RNF144B: variants seen among roughly 807,000 people sequenced by gnomAD.
RNF144B encodes ring finger protein 144B, also known as E3 ubiquitin-protein ligase RNF144B.
Under a neutral mutation model 40.2 loss-of-function variants are expected in RNF144B, and 25 were observed. That is an observed-to-expected ratio of 0.62 (90% CI 0.45 to 0.87). The LOEUF (loss-of-function observed/expected upper bound fraction) is 0.87, where lower values mean the gene tolerates loss of function less well. Ranked by LOEUF, RNF144B falls within the 40% of genes least tolerant of loss-of-function variation. The pLI is 0.00. For synonymous variants in RNF144B, 145 were observed against 136.3 expected (o/e 1.06, Z -0.44); for missense variants, 365 against 373.7 (o/e 0.98, Z 0.19).
rs767632041 is a variant in RNF144B, at chr6:18,416,355, A to C, written c.166-11226A>C. Reference sequence around the variant, plus strand: ...GTGCCAGTTCACTGCTCTGATTGGAATGTTCTTCCATTTTAGCAAATTTGT... The same window carrying C: ...GTGCCAGTTCACTGCTCTGATTGGACTGTTCTTCCATTTTAGCAAATTTGT... On this transcript the variant is annotated intron_variant, in intron 2 of 7. Coordinates refer to ENST00000259939, the MANE Select transcript of RNF144B (RefSeq NM_182757.4). This position sits in a 1 kb window ranked among gnomAD's most constrained non-coding sequence, Gnocchi z 5.5. Among the ~76,000 whole-genome samples, 5 of 152,202 alleles carry C rather than the reference A, an allele frequency of 3.3e-5. No individual in the cohort carries two copies. The highest frequency in any genetic ancestry group is 7.3e-5 in the Non-Finnish European group (5 of 68,040).
chr6:18,390,506 C>T (rs1004465829), intron 1 of RNF144B, among the ~76,000 whole-genome samples: 3 of 152,170 alleles, frequency 2.0e-5, no homozygotes, highest in Non-Finnish European at 4.4e-5. Context: ...GAATTCAAAA[C>T]ACAGCAATCT....
chr6:18,387,443 C>T lies in RNF144B; in HGVS notation c.-224C>T. On this transcript the variant is annotated 5_prime_UTR_variant, in exon 1 of 8. Coordinates refer to ENST00000259939, the MANE Select transcript of RNF144B (RefSeq NM_182757.4). ...GTCGGGGACTCCGCCTCCTCCCGAC[C>T]CGTAGGTCTGGGAGCGCAAGTCCTG... The T allele has an allele frequency of 8.2e-7, 1 of 1,218,732 alleles. No individual in the cohort carries two copies. The highest frequency in any genetic ancestry group is 1.1e-6 in the Non-Finnish European group (1 of 949,310). 75.5% of individuals were successfully genotyped at this position (1,218,732 alleles called of 1,614,324 possible).
Position 18,418,376 on chromosome 6 carries a change from A to G in RNF144B, c.166-9205A>G, listed in dbSNP as rs185589959. On this transcript the variant is annotated intron_variant, in intron 2 of 7. Transcript: ENST00000259939. This position sits in a 1 kb window ranked among gnomAD's most constrained non-coding sequence, Gnocchi z 5.2. ...AAATGTGGTATATTCACACAATGGC[A>G]TACTATTCAGCAATAAAATAAATGA... 2.5e-4 allele frequency among the ~76,000 whole-genome samples: 38 copies of G among 152,362 alleles called. No individual in the cohort carries two copies. The East Asian group carries it at 7.3e-3, about 29-fold the overall frequency.
rs989207258 is a variant in RNF144B at position 18,398,952 on chromosome 6, G to A, written c.-36-547G>A. Among the ~76,000 whole-genome samples the A allele has an allele frequency of 3.9e-5, 6 of 151,968 alleles. No homozygotes were observed. The highest frequency in any genetic ancestry group is 7.3e-5 in the African/African-American group (3 of 41,346). On this transcript the variant is annotated intron_variant, in intron 1 of 7. Coordinates refer to ENST00000259939, the MANE Select transcript of RNF144B (RefSeq NM_182757.4). This position sits in a 1 kb window ranked among gnomAD's most constrained non-coding sequence, Gnocchi z 5.0. Reference sequence around the variant, plus strand: ...ATGTTTGCTCATAGTGATATTTCCCGCCCCTGACCTTCATTAAGGTATAAT... The same window carrying A: ...ATGTTTGCTCATAGTGATATTTCCCACCCCTGACCTTCATTAAGGTATAAT...
rs72832499 is a variant in RNF144B at position 18,459,944 on chromosome 6, C to G, written c.681+193C>G. Among the ~76,000 whole-genome samples the G allele has an allele frequency of 6.6e-6, 1 of 152,170 alleles. No individual in the cohort carries two copies. The highest frequency in any genetic ancestry group is 2.4e-5 in the African/African-American group (1 of 41,442). Reference sequence around the variant, plus strand: ...CATCTTTTTGATGACCTTACATATGCCACCCTGGTGTTAAAGGCAAGCTTT... The same window carrying G: ...CATCTTTTTGATGACCTTACATATGGCACCCTGGTGTTAAAGGCAAGCTTT... On this transcript the variant is annotated intron_variant, in intron 6 of 7. Coordinates refer to ENST00000259939, the MANE Select transcript of RNF144B (RefSeq NM_182757.4). This position sits in a 1 kb window ranked among gnomAD's most constrained non-coding sequence, Gnocchi z 4.2.
chr6:18,452,182 C>T (rs1473626170), intron 4 of RNF144B, among the ~76,000 whole-genome samples: 1 of 152,172 alleles, frequency 6.6e-6, no homozygotes, highest in African/African-American at 2.4e-5. Flanking sequence ...TTTTGAAAAA[C>T]CCAGAAATTA....
Position 18,439,404 on chromosome 6 carries a change from G to C in RNF144B, c.271-280G>C, listed in dbSNP as rs553485973. ...TTAGAAGTCCCTGTAATAAAATTTTGTTGTCTGGTCTTGGTAGCCACTGAC... is the reference window on the plus strand; with the variant it reads ...TTAGAAGTCCCTGTAATAAAATTTTCTTGTCTGGTCTTGGTAGCCACTGAC... On this transcript the variant is annotated intron_variant, in intron 3 of 7. Transcript: ENST00000259939. Among the ~76,000 whole-genome samples, 32 of 152,252 alleles carry C rather than the reference G, an allele frequency of 2.1e-4. No homozygotes were observed. In the South Asian group the frequency reaches 6.2e-3, roughly 30 times the overall value.
In RNF144B at chr6:18,423,172, G is replaced by A. The variant is rs1758470029; in HGVS notation, c.166-4409G>A. Among the ~76,000 whole-genome samples, 7 of 152,146 alleles carry A rather than the reference G, an allele frequency of 4.6e-5. No individual in the cohort carries two copies. In the South Asian group the frequency reaches 1.2e-3, roughly 27 times the overall value. On this transcript the variant is annotated intron_variant, in intron 2 of 7. Coordinates refer to ENST00000259939, the MANE Select transcript of RNF144B (RefSeq NM_182757.4). ...TTTTCACTTTTCAAAGTGAATGGGG[G>A]ACTCTCCATTTTCCCTGAGAGCAGC... is the stretch of plus-strand genomic sequence containing the variant.
At position 18,444,039 on chromosome 6, in the gene RNF144B, T is replaced by G. The variant is rs1158472187; in HGVS notation, c.331+4295T>G. Among the ~76,000 whole-genome samples the G allele has an allele frequency of 6.6e-6, 1 of 152,188 alleles. No homozygotes were observed. Among genetic ancestry groups the G allele is most frequent in the East Asian group, 1.9e-4 (1 of 5,196 alleles). On this transcript the variant is annotated intron_variant, in intron 4 of 7. Transcript: ENST00000259939. This position sits in a 1 kb window ranked among gnomAD's most constrained non-coding sequence, Gnocchi z 4.3. ...AAAATCATCCTTAGTTTTTTCCAAT[T>G]CTTAGTGCCTGCCAAGTTCTTTTAG... is the stretch of plus-strand genomic sequence containing the variant.
rs144401234 is a variant in RNF144B at position 18,398,579 on chromosome 6, A to C, written c.-36-920A>C. The stretch of plus-strand genomic sequence containing the variant: ...TTTTGTAATTTTGTATTTTTAGTAG[A>C]GACGAGGTTTCACCATGTTGGCCAG... On this transcript the variant is annotated intron_variant, in intron 1 of 7. Coordinates refer to ENST00000259939, the MANE Select transcript of RNF144B (RefSeq NM_182757.4). This position sits in a 1 kb window ranked among gnomAD's most constrained non-coding sequence, Gnocchi z 5.0. Among the ~76,000 whole-genome samples the C allele has an allele frequency of 0.021, 3,211 of 152,160 alleles. 29 individuals carry two copies. The highest frequency in any genetic ancestry group is 0.023 in the African/African-American group (973 of 41,522).
At position 18,441,598 on chromosome 6, in the gene RNF144B, A is replaced by G. The variant is rs988032542; in HGVS notation, c.331+1854A>G. 6.6e-6 allele frequency among the ~76,000 whole-genome samples: 1 copy of G among 152,186 alleles called. No individual in the cohort carries two copies. The highest frequency in any genetic ancestry group is 1.5e-5 in the Non-Finnish European group (1 of 68,040). On this transcript the variant is annotated intron_variant, in intron 4 of 7. Coordinates refer to ENST00000259939, the MANE Select transcript of RNF144B (RefSeq NM_182757.4). The surrounding 1 kb of genome is among the most constrained non-coding windows in gnomAD (Gnocchi z 4.9). ...GTCTTTTTTGTAATTAGAATATTCT[A>G]ATATTACCAGGAATTACAACTTTCT...
chr6:18,464,704 T>G lies in RNF144B; in HGVS notation c.772-223T>G, dbSNP rs1759538281. 6.6e-6 allele frequency among the ~76,000 whole-genome samples: 1 copy of G among 152,176 alleles called. No homozygotes were observed. Among genetic ancestry groups the G allele is most frequent in the Admixed American group, 6.5e-5 (1 of 15,282 alleles). On this transcript the variant is annotated intron_variant, in intron 7 of 7. Coordinates refer to ENST00000259939, the MANE Select transcript of RNF144B (RefSeq NM_182757.4). The surrounding 1 kb of genome is among the most constrained non-coding windows in gnomAD (Gnocchi z 6.1). ...AAAGCAAGCTCTCTGGCATCTGTTCTTGTAAGAGCACCAATCCCATCATGA... is the reference window on the plus strand; with the variant it reads ...AAAGCAAGCTCTCTGGCATCTGTTCGTGTAAGAGCACCAATCCCATCATGA...
intron 1 of RNF144B, among the ~76,000 whole-genome samples, chr6:18,390,578 TTTA>T: frequency 6.6e-6 from 1 of 152,380 alleles, no homozygotes; most frequent in East Asian, 1.9e-4. Context: ...GCTTGGAGTA[TTTA>T]TTAAGAGCAT....
At position 18,415,640 on chromosome 6, in the gene RNF144B, C is replaced by G. The variant is rs137869163; in HGVS notation, c.166-11941C>G. ...GATTCTAACATTAACTTTTTGCTTGCTTTATCACATATCTCTCCGTCTGTT... is the reference window on the plus strand; with the variant it reads ...GATTCTAACATTAACTTTTTGCTTGGTTTATCACATATCTCTCCGTCTGTT... On this transcript the variant is annotated intron_variant, in intron 2 of 7. Transcript: ENST00000259939. 5.5e-3 allele frequency among the ~76,000 whole-genome samples: 840 copies of G among 152,226 alleles called. 7 individuals carry two copies. Among genetic ancestry groups the G allele is most frequent in the African/African-American group, 0.018 (735 of 41,550 alleles).
At chr6:18,402,941 A>G (rs1314179227) in intron 2 of RNF144B, among the ~76,000 whole-genome samples, 1 of 152,260 alleles carries the variant, frequency 6.6e-6, no homozygotes, top group Non-Finnish European at 1.5e-5. Flanking sequence ...TCTTACTGGC[A>G]TGACTGACGT....
Position 18,464,820 on chromosome 6 carries a change from C to G in RNF144B, c.772-107C>G. ...ATTTAGGGTTTCAACATATGAGCTTCAGGGGGACACAAACATTTGGCCCAC... is the reference window on the plus strand; with the variant it reads ...ATTTAGGGTTTCAACATATGAGCTTGAGGGGGACACAAACATTTGGCCCAC... On this transcript the variant is annotated intron_variant, in intron 7 of 7. Transcript: ENST00000259939. The surrounding 1 kb of genome is among the most constrained non-coding windows in gnomAD (Gnocchi z 6.1). The G allele has an allele frequency of 2.8e-6, 3 of 1,083,276 alleles. No homozygotes were observed. The highest frequency in any genetic ancestry group is 4.1e-6 in the Non-Finnish European group (3 of 733,824). The allele number at this position is 1,083,276 out of a possible 1,614,324, so 67.1% of individuals were successfully genotyped here. A position where few individuals can be genotyped will look rare whatever the true frequency, so the allele number is the denominator to read the frequency against.
intron 2 of RNF144B, among the ~76,000 whole-genome samples, chr6:18,408,809 T>C (rs1207218740): frequency 6.6e-6 from 1 of 152,160 alleles, no homozygotes; most frequent in Non-Finnish European, 1.5e-5. Context: ...GGTGAGAGTA[T>C]ACCCCATACT....
intron 3 of RNF144B, among the ~76,000 whole-genome samples, chr6:18,435,092 GT>G (rs1254786460): frequency 6.6e-6 from 1 of 152,166 alleles, no homozygotes; most frequent in Non-Finnish European, 1.5e-5. Flanking sequence ...AAGTTTGGGT[GT>G]TTTCCCCCAC....
intron 4 of RNF144B, among the ~76,000 whole-genome samples, chr6:18,453,358 C>T (rs145026750): frequency 1.4e-4 from 21 of 151,870 alleles, no homozygotes; most frequent in African/African-American, 4.8e-4. Context: ...AGGCTGATCT[C>T]GAACTCCTGC....
Sources: gnomAD v4.1 joint callset for allele counts (sites outside exome capture counted in the v4.1 genomes callset) on GRCh38, gnomAD v4.1.1 for gene constraint, Gnocchi (gnomAD v3.1) non-coding constraint, MANE v1.5 for transcripts, NCBI Gene and HGNC (gene_info 2026-07-23, HGNC 2026-07-21) for gene names.